PPIP5K2: variants seen among roughly 807,000 people sequenced by gnomAD.
PPIP5K2 encodes the protein diphosphoinositol pentakisphosphate kinase 2, also known as inositol hexakisphosphate and diphosphoinositol-pentakisphosphate kinase 2.
A neutral mutation model predicts 154.6 loss-of-function variants in PPIP5K2; 105 were observed. The observed-to-expected ratio is 0.68, with a 90% CI of 0.58 to 0.80. The LOEUF (loss-of-function observed/expected upper bound fraction) is 0.80, where lower values mean the gene tolerates loss of function less well. Among genes scored for constraint, PPIP5K2 ranks in the 30% least tolerant of loss-of-function variants. PPIP5K2 has a pLI of 0.00. For synonymous variants in PPIP5K2, 480 were observed against 490.3 expected (o/e 0.98, Z 0.28); for missense variants, 992 against 1,504.6 (o/e 0.66, Z 5.64).
intron 8 of PPIP5K2, among the ~76,000 whole-genome samples, chr5:103,149,885 G>A (rs1554210715): frequency 6.6e-6 from 1 of 151,574 alleles, no homozygotes; most frequent in East Asian, 1.9e-4. Flanking sequence ...TTAGTAGAGA[G>A]GGGGTTTCTC....
At position 103,207,519 on chromosome 5, in the gene PPIP5K2, G is replaced by A. The variant is rs1803584183; in HGVS notation, c.*5885G>A. 2 of 151,948 alleles carry A rather than the reference G, an allele frequency of 1.3e-5. No individual in the cohort carries two copies. The highest frequency in any genetic ancestry group is 4.1e-4 in the South Asian group (2 of 4,824). The allele number at this position is 151,948 out of a possible 1,614,324, so 9.4% of individuals were successfully genotyped here. ...TATTCACATTTGCTATAGTTCACTT[G>A]TTGTGCTAATGGTTTTTTCCTTCAC... On this transcript the variant is annotated 3_prime_UTR_variant, in exon 31 of 31. Coordinates refer to ENST00000358359, the MANE Select transcript of PPIP5K2 (RefSeq NM_001276277.3).
intron 5 of PPIP5K2, 138 bp from the exon 6 acceptor site, chr5:103,146,389 G>A: frequency 2.4e-6 from 2 of 840,112 alleles, no homozygotes; most frequent in Non-Finnish European, 3.5e-6. Flanking sequence ...CATAAACATG[G>A]ATAATTAAAA....
At chr5:103,149,411 C>A in intron 8 of PPIP5K2, 98 bp downstream of exon 8, 2 of 1,151,764 alleles carry the variant, frequency 1.7e-6, no homozygotes, top group Non-Finnish European at 2.4e-6. Context: ...GAGAAGTAAA[C>A]CGAGAAAGTA....
intron 14 of PPIP5K2, among the ~76,000 whole-genome samples, chr5:103,156,676 T>A (rs1554213588): frequency 6.6e-6 from 1 of 152,164 alleles, no homozygotes; most frequent in East Asian, 1.9e-4. Context: ...GAGACAGGAT[T>A]TCAGTCTATA....
rs782374221 is a variant in PPIP5K2 at position 103,159,346 on chromosome 5, CTT to C, written c.1920+19_1920+20del. The C allele has an allele frequency of 4.0e-5, 62 of 1,567,594 alleles. No homozygotes were observed. The highest frequency in any genetic ancestry group is 1.4e-4 in the African/African-American group (10 of 72,938). ...ATGAAAAGGTGGGTCTTAGCAAACT[CTT>C]ATATTGTGAAATATTACACACACAC... On this transcript the variant is annotated intron_variant, in intron 17 of 30. Coordinates refer to ENST00000358359, the MANE Select transcript of PPIP5K2 (RefSeq NM_001276277.3).
chr5:103,142,419 C>T (rs1792935503), intron 5 of PPIP5K2, among the ~76,000 whole-genome samples: 1 of 152,212 alleles, frequency 6.6e-6, no homozygotes. Context: ...CGCGCCTCTC[C>T]CTCCACATCT....
chr5:103,187,277 G>T, intron 27 of PPIP5K2, 37 bp from the exon 28 acceptor site: 1 of 1,481,588 alleles, frequency 6.7e-7, no homozygotes, highest in Non-Finnish European at 9.1e-7. Flanking sequence ...TTTTGTAGCT[G>T]TTACGAATTT....
Position 103,206,130 on chromosome 5 carries a change from C to A in PPIP5K2, c.*4496C>A, listed in dbSNP as rs1554232194. The A allele has an allele frequency of 6.6e-6, 1 of 152,136 alleles. No individual in the cohort carries two copies. Among genetic ancestry groups the A allele is most frequent in the African/African-American group, 2.4e-5 (1 of 41,426 alleles). The allele number at this position is 152,136 out of a possible 1,614,324, so 9.4% of individuals were successfully genotyped here. On this transcript the variant is annotated 3_prime_UTR_variant, in exon 31 of 31. Transcript: ENST00000358359. ...AATTCCAATTGAAACTGGTTTAAAT[C>A]ATCAGAAAATGTATTATTACACATT...
intron 17 of PPIP5K2, among the ~76,000 whole-genome samples, chr5:103,165,255 T>C (rs1257746210): frequency 6.6e-6 from 1 of 152,040 alleles, no homozygotes; most frequent in Non-Finnish European, 1.5e-5. Flanking sequence ...CTCATTACTA[T>C]ACAGTTCACC....
At chr5:103,189,721 CTT>C (rs1800931662) in intron 28 of PPIP5K2, among the ~76,000 whole-genome samples, 2 of 152,044 alleles carry the variant, frequency 1.3e-5, no homozygotes, top group African/African-American at 4.8e-5. Flanking sequence ...ATTAGATTCT[CTT>C]TTAACCAAAG....
chr5:103,195,722 T>C (rs1801988931), intron 30 of PPIP5K2, among the ~76,000 whole-genome samples: 1 of 152,202 alleles, frequency 6.6e-6, no homozygotes, highest in African/African-American at 2.4e-5. Flanking sequence ...GACAAGAACA[T>C]GATACTCATG....
intron 24 of PPIP5K2, among the ~76,000 whole-genome samples, chr5:103,181,106 T>A (rs1799467107): frequency 6.6e-6 from 1 of 152,150 alleles, no homozygotes; most frequent in Non-Finnish European, 1.5e-5. Context: ...AAAGGAAAGT[T>A]TAGCAGTTAG....
intron 19 of PPIP5K2, among the ~76,000 whole-genome samples, chr5:103,169,128 C>T (rs1407896293): frequency 1.3e-5 from 2 of 151,668 alleles, no homozygotes; most frequent in Non-Finnish European, 2.9e-5. Flanking sequence ...AACAAGAATT[C>T]AATTAACTAA....
At chr5:103,176,333 A>G (rs1798705046) in intron 21 of PPIP5K2, among the ~76,000 whole-genome samples, 2 of 152,002 alleles carry the variant, frequency 1.3e-5, no homozygotes, top group South Asian at 4.1e-4. Context: ...CACCTAATGA[A>G]AATTTTCAGT....
chr5:103,143,517 G>A (rs1393391225), intron 5 of PPIP5K2, among the ~76,000 whole-genome samples: 1 of 152,190 alleles, frequency 6.6e-6, no homozygotes. Context: ...CAGGAAGGAA[G>A]GAAGGGAGGA....
chr5:103,186,165 C>T (rs1349100426), intron 26 of PPIP5K2, among the ~76,000 whole-genome samples, 155 bp from the exon 27 acceptor site: 1 of 152,082 alleles, frequency 6.6e-6, no homozygotes, highest in Non-Finnish European at 1.5e-5. Context: ...AAACTGACCT[C>T]ATTAGGAAAT....
At chr5:103,174,984 A>G (rs1380086421) in intron 21 of PPIP5K2, among the ~76,000 whole-genome samples, 1 of 152,128 alleles carries the variant, frequency 6.6e-6, no homozygotes, top group Non-Finnish European at 1.5e-5. Context: ...GTAATAGAGT[A>G]ATACTACTTG....
At position 103,204,514 on chromosome 5, in the gene PPIP5K2, A is replaced by AAC. The variant is rs1164817623; in HGVS notation, c.*2881_*2882insCA. ...AGCTGGAGTGCAGTGGCACAGTCTT[A>AAC]ATTCACTACAGCCTTGAACTCCTGG... On this transcript the variant is annotated 3_prime_UTR_variant, in exon 31 of 31. Transcript: ENST00000358359. The AAC allele has an allele frequency of 6.6e-6, 1 of 152,120 alleles. No homozygotes were observed. The highest frequency in any genetic ancestry group is 1.5e-5 in the Non-Finnish European group (1 of 68,032). The allele number at this position is 152,120 out of a possible 1,614,324, so 9.4% of individuals were successfully genotyped here.
At chr5:103,169,912 T>C (rs1387970968) in intron 19 of PPIP5K2, among the ~76,000 whole-genome samples, 2 of 151,448 alleles carry the variant, frequency 1.3e-5, no homozygotes, top group Non-Finnish European at 3.0e-5. Flanking sequence ...CTTTTCAAGG[T>C]GGGCTGTCAG....
Sources: gnomAD v4.1 joint callset for allele counts (sites outside exome capture counted in the v4.1 genomes callset) on GRCh38, gnomAD v4.1.1 for gene constraint, MANE v1.5 for transcripts, NCBI Gene and HGNC (gene_info 2026-07-23, HGNC 2026-07-21) for gene names.